The following IQGAP2 variants were observed in gnomAD, a reference collection of about 807,000 sequenced individuals.
IQGAP2 encodes the protein ras GTPase-activating-like protein IQGAP2.
Under a neutral mutation model 201.3 loss-of-function variants are expected in IQGAP2, and 173 were observed. The observed-to-expected ratio is 0.86, with a 90% CI of 0.76 to 0.98. The LOEUF (loss-of-function observed/expected upper bound fraction) is 0.98, where lower values mean the gene tolerates loss of function less well. Ranked by LOEUF, IQGAP2 falls within the 50% of genes least tolerant of loss-of-function variation. The probability of loss-of-function intolerance (pLI) is 0.00; values close to 1 mark genes in which losing one functional copy is unlikely to be tolerated. For missense variants in IQGAP2, 1,687 were observed against 1,864.8 expected (o/e 0.90, Z 1.76); for synonymous variants, 675 against 673.9 (o/e 1.00, Z -0.03).
Position 76,631,839 on chromosome 5 carries a change from C to A in IQGAP2, c.1613-20C>A. On this transcript the variant is annotated intron_variant, in intron 14 of 35. Transcript: ENST00000274364. ...GTGGAAGATAACCATTAACAAGAAA[C>A]TTTTTTTTCAATTACCCAGGGGTTA... 1 of 1,527,214 alleles carries A rather than the reference C, an allele frequency of 6.5e-7. No homozygotes were observed. The highest frequency in any genetic ancestry group is 2.3e-5 in the East Asian group (1 of 42,620). 94.6% of individuals were successfully genotyped at this position (1,527,214 alleles called of 1,614,324 possible). A position where few individuals can be genotyped will look rare whatever the true frequency, so the allele number is the denominator to read the frequency against.
At chr5:76,507,499 A>G (rs1757673681) in intron 2 of IQGAP2, among the ~76,000 whole-genome samples, 1 of 152,208 alleles carries the variant, frequency 6.6e-6, no homozygotes, top group Non-Finnish European at 1.5e-5. Context: ...GTTATGTACA[A>G]TACCAAAGAC....
At chr5:76,598,810 T>C (rs1747218699) in intron 10 of IQGAP2, among the ~76,000 whole-genome samples, 1 of 152,178 alleles carries the variant, frequency 6.6e-6, no homozygotes, top group South Asian at 2.1e-4. Context: ...AGATTGCCTA[T>C]AAATTAATAA....
chr5:76,434,975 T>A (rs556117294), intron 1 of IQGAP2, among the ~76,000 whole-genome samples: 1 of 152,252 alleles, frequency 6.6e-6, no homozygotes, highest in South Asian at 2.1e-4. Context: ...TTTTTTCATG[T>A]GTTTGTTGGC....
rs926800211 is a variant in IQGAP2 at position 76,555,438 on chromosome 5, C to G, written c.147-6958C>G. ...AAGCGACCTGTTCCAGTGCATATAG[C>G]TGGTGATCACAGAGCCAGACTTCCT... On this transcript the variant is annotated intron_variant, in intron 2 of 35. Coordinates refer to ENST00000274364, the MANE Select transcript of IQGAP2 (RefSeq NM_006633.5). 3.9e-5 allele frequency among the ~76,000 whole-genome samples: 6 copies of G among 152,192 alleles called. No individual in the cohort carries two copies. In the South Asian group the frequency reaches 1.2e-3, roughly 32 times the overall value.
chr5:76,481,340 G>C (rs910239331), intron 2 of IQGAP2, among the ~76,000 whole-genome samples: 3 of 151,910 alleles, frequency 2.0e-5, no homozygotes, highest in Non-Finnish European at 4.4e-5. Flanking sequence ...ATTTAACCTA[G>C]TATATCCCAA....
At chr5:76,665,817 T>A (rs2150468036) in intron 22 of IQGAP2, among the ~76,000 whole-genome samples, 1 of 152,348 alleles carries the variant, frequency 6.6e-6, no homozygotes, top group East Asian at 1.9e-4. Flanking sequence ...GTTTGACCAT[T>A]GATTCAGCCC....
chr5:76,420,069 C>A (rs1008964619), intron 1 of IQGAP2, among the ~76,000 whole-genome samples: 7 of 152,180 alleles, frequency 4.6e-5, no homozygotes, highest in African/African-American at 1.7e-4. Flanking sequence ...ATGCAATGAC[C>A]CTGAATCCTC....
In IQGAP2 at chr5:76,631,657, A is replaced by G. The variant is rs114643361; in HGVS notation, c.1613-202A>G. Among the ~76,000 whole-genome samples, 494 of 152,264 alleles carry G rather than the reference A, an allele frequency of 3.2e-3. 2 individuals carry two copies. Among genetic ancestry groups the G allele is most frequent in the African/African-American group, 0.011 (437 of 41,570 alleles). ...GAAAGACTATTGTTTTTAATAAACCATACTCCCATGGTATCTAATTCTTCT... is the reference window on the plus strand; with the variant it reads ...GAAAGACTATTGTTTTTAATAAACCGTACTCCCATGGTATCTAATTCTTCT... On this transcript the variant is annotated intron_variant, in intron 14 of 35. Transcript: ENST00000274364.
chr5:76,483,116 A>G (rs1755889942), intron 2 of IQGAP2, among the ~76,000 whole-genome samples: 1 of 152,252 alleles, frequency 6.6e-6, no homozygotes, highest in Admixed American at 6.5e-5. Flanking sequence ...AGGCAGCCCA[A>G]CTTAATTAGA....
chr5:76,418,079 C>T (rs1184082677), intron 1 of IQGAP2, among the ~76,000 whole-genome samples: 1 of 151,490 alleles, frequency 6.6e-6, no homozygotes, highest in Non-Finnish European at 1.5e-5. Flanking sequence ...TGGTGGCGGG[C>T]ACCTGTAATC....
chr5:76,638,874 G>T (rs1751349925), intron 16 of IQGAP2, among the ~76,000 whole-genome samples: 1 of 152,176 alleles, frequency 6.6e-6, no homozygotes, highest in Non-Finnish European at 1.5e-5. Flanking sequence ...TTGTGAGGTG[G>T]TTCTTTGCTT....
At chr5:76,416,679 C>T (rs1430645430) in intron 1 of IQGAP2, among the ~76,000 whole-genome samples, 1 of 152,102 alleles carries the variant, frequency 6.6e-6, no homozygotes. Flanking sequence ...AGGCGCATGC[C>T]ACCACGCGTG....
At chr5:76,619,179 T>G (rs932562562) in intron 13 of IQGAP2, among the ~76,000 whole-genome samples, 1 of 152,216 alleles carries the variant, frequency 6.6e-6, no homozygotes, top group African/African-American at 2.4e-5. Flanking sequence ...TGTAAAGTTT[T>G]AAATAAAATC....
intron 2 of IQGAP2, among the ~76,000 whole-genome samples, chr5:76,499,396 G>A (rs1175091733): frequency 1.3e-5 from 2 of 152,162 alleles, no homozygotes; most frequent in African/African-American, 4.8e-5. Flanking sequence ...TAAAAGTATT[G>A]TTGCTTCTTG....
chr5:76,420,173 A>G (rs1751651097), intron 1 of IQGAP2, among the ~76,000 whole-genome samples: 1 of 149,144 alleles, frequency 6.7e-6, no homozygotes, highest in Admixed American at 6.8e-5. Context: ...ATTTTTAAAA[A>G]CCTCCCTAGG....
intron 5 of IQGAP2, among the ~76,000 whole-genome samples, chr5:76,583,285 A>G (rs1004973049): frequency 5.9e-5 from 9 of 152,152 alleles, no homozygotes; most frequent in Admixed American, 2.6e-4. Context: ...GTTTCTTTTC[A>G]GCATGGGAAT....
intron 2 of IQGAP2, among the ~76,000 whole-genome samples, chr5:76,554,333 A>G (rs1244268262): frequency 1.3e-5 from 2 of 152,232 alleles, no homozygotes; most frequent in East Asian, 1.9e-4. Context: ...TCATCAAGAT[A>G]AAAACATTTT....
chr5:76,567,400 C>T (rs564052651), intron 3 of IQGAP2, among the ~76,000 whole-genome samples: 7 of 152,168 alleles, frequency 4.6e-5, no homozygotes, highest in Non-Finnish European at 8.8e-5. Context: ...ATCAGAAACT[C>T]GAAACGCTTC....
chr5:76,517,186 T>C (rs1758381847), intron 2 of IQGAP2, among the ~76,000 whole-genome samples: 1 of 152,060 alleles, frequency 6.6e-6, no homozygotes, highest in African/African-American at 2.4e-5. Flanking sequence ...GGAAGTACAT[T>C]CAGGATCTCA....
Sources: allele counts gnomAD v4.1 joint callset (sites outside exome capture counted in the v4.1 genomes callset), GRCh38; gene constraint gnomAD v4.1.1; transcripts MANE v1.5; gene names NCBI Gene and HGNC (gene_info 2026-07-23, HGNC 2026-07-21).